WDR83: variants seen among roughly 807,000 people sequenced by gnomAD.
WDR83 encodes the protein WD repeat domain-containing protein 83.
WDR83 carries 37 observed loss-of-function variants against 37.7 expected under a neutral mutation model. The ratio of observed to expected loss-of-function variants is 0.98; its 90% CI spans 0.76 to 1.29. The LOEUF (loss-of-function observed/expected upper bound fraction) is 1.29, where lower values mean the gene tolerates loss of function less well. WDR83 is among the 50% of genes most tolerant of loss of function. WDR83 has a pLI of 0.00. For missense variants in WDR83, 445 were observed against 414.4 expected, an observed-to-expected ratio of 1.07 and a Z score of -0.64; for synonymous variants, 174 against 181.1, an observed-to-expected ratio of 0.96 and a Z score of 0.31.
intron 2 of WDR83, chr19:12,669,460 T>A: frequency 6.4e-7 from 1 of 1,556,196 alleles, no homozygotes; most frequent in South Asian, 1.2e-5. Context: ...GCTTCCGGCG[T>A]GCAAGCTGAG....
rs778758217 is a variant in WDR83, at chr19:12,670,629, G to T, written c.379+18G>T. 1 of 1,614,108 alleles carries T rather than the reference G, an allele frequency of 6.2e-7. No homozygotes were observed. Among genetic ancestry groups the T allele is most frequent in the Non-Finnish European group, 8.5e-7 (1 of 1,180,052 alleles). ...CCTGTCCGGTGAGTCTGGGGCCTAA[G>T]CACGGGGGCCCAGGGTGCTGCCCTC... On this transcript the variant is annotated intron_variant, in intron 6 of 10. Coordinates refer to ENST00000418543, the MANE Select transcript of WDR83 (RefSeq NM_001099737.3).
chr19:12,668,313 C>G, intron 1 of WDR83, 195 bp from the exon 2 acceptor site: 4 of 1,576,166 alleles, frequency 2.5e-6, no homozygotes, highest in Non-Finnish European at 3.5e-6. Context: ...AAAGCCCAGG[C>G]CTAGTGGATA....
chr19:12,670,668 G>C, intron 6 of WDR83, 27 bp from the exon 7 acceptor site: 1 of 1,614,136 alleles, frequency 6.2e-7, no homozygotes, highest in East Asian at 2.2e-5. Flanking sequence ...CTCCAAACCT[G>C]ACCTCACCAT....
At chr19:12,669,269 C>T (rs1453932117) in intron 2 of WDR83, 1 of 1,611,648 alleles carries the variant, frequency 6.2e-7, no homozygotes, top group Non-Finnish European at 8.5e-7. Context: ...CGCTCAGGTC[C>T]TGCCCCCGGG....
At chr19:12,669,295 C>T (rs2024340453) in intron 2 of WDR83, 1 of 1,607,126 alleles carries the variant, frequency 6.2e-7, no homozygotes, top group Non-Finnish European at 8.5e-7. Context: ...CAGGCGCTTC[C>T]CAGGGCCCCG....
chr19:12,671,570 T>C (rs2024417998), intron 7 of WDR83, among the ~76,000 whole-genome samples: 2 of 151,546 alleles, frequency 1.3e-5, no homozygotes, highest in African/African-American at 4.9e-5. Context: ...GAGAATGGAG[T>C]GAACCCAGGA....
intron 7 of WDR83, among the ~76,000 whole-genome samples, chr19:12,671,619 T>TCCAG (rs202097533): frequency 0.035 from 5,335 of 151,920 alleles, 315 homozygotes; most frequent in African/African-American, 0.12. Context: ...ACCACTACAC[T>TCCAG]CCTGGGCGAT....
rs1414318137 is a variant in WDR83 at position 12,670,831 on chromosome 19, G to A, written c.506+10G>A. 2 of 1,610,320 alleles carry A rather than the reference G, an allele frequency of 1.2e-6. No individual in the cohort carries two copies. The highest frequency in any genetic ancestry group is 1.3e-5 in the African/African-American group (1 of 74,938). ...ACGAGATCCTGGCAGGGTGAGTGGA[G>A]CCAGGACCTGGTCTCACCCCAGGTG... is the stretch of plus-strand genomic sequence containing the variant. On this transcript the variant is annotated intron_variant, in intron 7 of 10. Transcript: ENST00000418543.
At chr19:12,671,891 T>A (rs934727457) in intron 7 of WDR83, among the ~76,000 whole-genome samples, 2 of 151,996 alleles carry the variant, frequency 1.3e-5, no homozygotes, top group African/African-American at 4.8e-5. Context: ...AGAGACGGGG[T>A]TTCGCCATGT....
At chr19:12,671,047 G>A in intron 7 of WDR83, 1 of 593,330 alleles carries the variant, frequency 1.7e-6, no homozygotes. Flanking sequence ...TAATAATCTG[G>A]CCGGGCACGG....
intron 3 of WDR83, 35 bp downstream of exon 3, chr19:12,669,928 C>T (rs773410141): frequency 3.1e-6 from 5 of 1,601,510 alleles, no homozygotes; most frequent in African/African-American, 1.3e-5. Flanking sequence ...GGTCCTCCTC[C>T]CGCCTCCTGA....
At position 12,675,615 on chromosome 19, in the gene WDR83, A is replaced by G. The variant is rs774703180; in HGVS notation, c.891A>G (p.Gly297=). 1 of 1,603,934 alleles carries G rather than the reference A, an allele frequency of 6.2e-7. No individual in the cohort carries two copies. Among genetic ancestry groups the G allele is most frequent in the Admixed American group, 1.7e-5 (1 of 59,986 alleles). ...AGCCCTGCCTGCTGACCGCCATGGG[A>G]GGCAGCGTCCAGTGCTGGCGAGAGG... ...PTEPCLLTAM[G]GSVQCWREEA... Residue 297 remains glycine, a synonymous_variant, in exon 11 of 11, where the codon GGA becomes GGG. Transcript: ENST00000418543.
At position 12,670,010 on chromosome 19, in the gene WDR83, A is replaced by G; in HGVS notation, c.137A>G (p.Asp46Gly). Reference sequence around the variant, plus strand: ...AATTACTGCCTGACGTGCGGCAGTGACAAGACGCTGAAGCTGTGGAACCCG... The same window carrying G: ...AATTACTGCCTGACGTGCGGCAGTGGCAAGACGCTGAAGCTGTGGAACCCG... ...DGNYCLTCGSDKTLKLWNPLR... is the reference protein window; with the variant it reads ...DGNYCLTCGSGKTLKLWNPLR... Residue 46 changes from aspartate to glycine, a missense_variant, in exon 4 of 11, where the codon GAC becomes GGC. Coordinates refer to ENST00000418543, the MANE Select transcript of WDR83 (RefSeq NM_001099737.3). 1 of 1,612,680 alleles carries G rather than the reference A, an allele frequency of 6.2e-7. No individual in the cohort carries two copies. Among genetic ancestry groups the G allele is most frequent in the Non-Finnish European group, 8.5e-7 (1 of 1,178,882 alleles).
chr19:12,671,012 GAA>G lies in WDR83; in HGVS notation c.506+193_506+194del, dbSNP rs536355438. ...GGCACCATTGCACTCCATGCTGGGT[GAA>G]AGACAGACTGTCTACAAAATAATAA... On this transcript the variant is annotated intron_variant, in intron 7 of 10. Transcript: ENST00000418543. 1.8e-4 allele frequency: 140 copies of G among 789,578 alleles called. No individual in the cohort carries two copies. In the African/African-American group the frequency reaches 2.4e-3, roughly 13 times the overall value. 48.9% of individuals were successfully genotyped at this position (789,578 alleles called of 1,614,324 possible). A position where few individuals can be genotyped will look rare whatever the true frequency, so the allele number is the denominator to read the frequency against.
At chr19:12,669,681 G>C in intron 2 of WDR83, 74 bp from the exon 3 acceptor site, 6 of 1,206,238 alleles carry the variant, frequency 5.0e-6, no homozygotes, top group African/African-American at 1.5e-5. Context: ...TGATAAACAG[G>C]AAGTAGGTCA....
chr19:12,668,989 G>A, intron 2 of WDR83: 7 of 853,500 alleles, frequency 8.2e-6, no homozygotes, highest in South Asian at 7.8e-5. Context: ...TCTCGGCCCA[G>A]CGTCATCGCA....
chr19:12,667,606 T>C (rs892270679), intron 1 of WDR83, among the ~76,000 whole-genome samples: 2 of 151,890 alleles, frequency 1.3e-5, no homozygotes, highest in African/African-American at 4.8e-5. Flanking sequence ...TGAGCCGAGA[T>C]CAAGATCATG....
At chr19:12,674,453 G>T (rs926688198) in intron 10 of WDR83, among the ~76,000 whole-genome samples, 4 of 152,146 alleles carry the variant, frequency 2.6e-5, no homozygotes, top group Non-Finnish European at 4.4e-5. Context: ...GAACCGGGGG[G>T]GCCCTGAAGA....
Position 12,675,528 on chromosome 19 carries a change from G to T in WDR83, c.804G>T (p.Ala268=). 6.2e-7 allele frequency: 1 copy of T among 1,604,394 alleles called. No homozygotes were observed. The change falls in exon 11 of 11, where the codon GCG becomes GCT. Residue 268 remains alanine, a synonymous_variant. Transcript: ENST00000418543. ...CCCTACCCCTCGCTCCACAGGGTGCGCTGGCTCTGGCCCTGCCTGTGGGTT... is the reference window on the plus strand; with the variant it reads ...CCCTACCCCTCGCTCCACAGGGTGCTCTGGCTCTGGCCCTGCCTGTGGGTT... The part of the protein sequence containing the change: ...KVFFWDLVEG[A]LALALPVGSG...
Sources: allele counts gnomAD v4.1 joint callset (sites outside exome capture counted in the v4.1 genomes callset), GRCh38; gene constraint gnomAD v4.1.1; transcripts MANE v1.5; gene names NCBI Gene and HGNC (gene_info 2026-07-23, HGNC 2026-07-21).